The following RXRA variants were observed in gnomAD, a reference collection of about 807,000 sequenced individuals.
The protein encoded by RXRA is retinoid X receptor alpha.
RXRA carries 5 observed loss-of-function variants against 44.5 expected under a neutral mutation model. That is an observed-to-expected ratio of 0.11 (90% CI 0.06 to 0.24). The LOEUF is 0.24. RXRA is among the 10% of genes least tolerant of loss of function. RXRA has a pLI of 1.00. For synonymous variants in RXRA, 291 were observed against 271.4 expected (o/e 1.07, Z -0.71); for missense variants, 412 against 646.5 (o/e 0.64, Z 3.93).
chr9:134,423,508 C>T lies in RXRA; in HGVS notation c.910+1703C>T, dbSNP rs1454419315. On this transcript the variant is annotated intron_variant, in intron 6 of 9. Transcript: ENST00000481739. The stretch of plus-strand genomic sequence containing the variant: ...TGGGTCAGGGCTGTGACCACACAGG[C>T]TGTGTGTATAGGGCCTGGCGCCGTC... 5.1e-6 allele frequency: 5 copies of T among 985,348 alleles called. No homozygotes were observed. The East Asian group carries it at 3.4e-4, about 67-fold the overall frequency. The allele number at this position is 985,348 out of a possible 1,614,324, so 61.0% of individuals were successfully genotyped here. A position where few individuals can be genotyped will look rare whatever the true frequency, so the allele number is the denominator to read the frequency against.
At chr9:134,334,087 C>T (rs1373777329) in intron 1 of RXRA, among the ~76,000 whole-genome samples, 6 of 152,268 alleles carry the variant, frequency 3.9e-5, no homozygotes, top group Admixed American at 6.5e-5. Flanking sequence ...AGTTTCCTCC[C>T]GCCTGAGGGC....
At chr9:134,423,566 C>G in intron 6 of RXRA, 1 of 985,292 alleles carries the variant, frequency 1.0e-6, no homozygotes. Context: ...TCTGGCCATA[C>G]TGGGCCCCGC....
chr9:134,363,425 G>A (rs1270324611), intron 1 of RXRA, among the ~76,000 whole-genome samples: 3 of 152,246 alleles, frequency 2.0e-5, no homozygotes, highest in African/African-American at 7.2e-5. Context: ...ATACCTCTCT[G>A]GTTTCTCATC....
chr9:134,348,827 C>T lies in RXRA; in HGVS notation c.28+22168C>T, dbSNP rs200509755. On this transcript the variant is annotated intron_variant, in intron 1 of 9. Transcript: ENST00000481739. ...CGCTGGACGTCGAGGTGGGTGAAAC[C>T]GGGCCTGGGGTTGCAGTCCCTGAGG... 7.9e-5 allele frequency among the ~76,000 whole-genome samples: 12 copies of T among 152,208 alleles called. No homozygotes were observed. The East Asian group carries it at 1.4e-3, about 17-fold the overall frequency.
rs118145952 is a variant in RXRA at position 134,385,954 on chromosome 9, G to A, written c.29-15678G>A. 1.1e-3 allele frequency among the ~76,000 whole-genome samples: 164 copies of A among 152,374 alleles called. 2 individuals are homozygous for A. In the East Asian group the frequency reaches 0.019, roughly 18 times the overall value. On this transcript the variant is annotated intron_variant, in intron 1 of 9. Transcript: ENST00000481739. ...GCAGACCATCTGCGGCACCAGCTGC[G>A]GGTGTGACGGTCGTGTCTCGGATTG...
At chr9:134,360,861 G>A (rs1830342344) in intron 1 of RXRA, among the ~76,000 whole-genome samples, 1 of 152,220 alleles carries the variant, frequency 6.6e-6, no homozygotes, top group Non-Finnish European at 1.5e-5. Flanking sequence ...AAGCCTGCTG[G>A]GGGGATGCTA....
chr9:134,373,030 C>T (rs1385860725), intron 1 of RXRA, among the ~76,000 whole-genome samples: 2 of 152,190 alleles, frequency 1.3e-5, no homozygotes, highest in African/African-American at 4.8e-5. Context: ...TGGGCTGTGG[C>T]GTCTGCCCCG....
intron 1 of RXRA, among the ~76,000 whole-genome samples, chr9:134,390,457 G>A (rs1830783507): frequency 6.6e-6 from 1 of 152,218 alleles, no homozygotes; most frequent in Admixed American, 6.5e-5. Flanking sequence ...CAGCAGGCAC[G>A]GCAGCCAGGA....
chr9:134,406,545 G>A (rs1761434393), intron 2 of RXRA, among the ~76,000 whole-genome samples: 1 of 152,170 alleles, frequency 6.6e-6, no homozygotes, highest in South Asian at 2.1e-4. Flanking sequence ...CCAGGGATCC[G>A]CCTCTGGGGC....
intron 9 of RXRA, among the ~76,000 whole-genome samples, chr9:134,435,246 C>T (rs781222863): frequency 2.0e-5 from 3 of 152,328 alleles, no homozygotes; most frequent in East Asian, 1.9e-4. Flanking sequence ...AGACTCAGGC[C>T]GTGCACAGGG....
intron 1 of RXRA, among the ~76,000 whole-genome samples, chr9:134,351,831 C>T (rs182897268): frequency 8.5e-5 from 13 of 152,276 alleles, no homozygotes; most frequent in Non-Finnish European, 1.6e-4. Flanking sequence ...TGCGGGGCCT[C>T]GGAGAGATTT....
At chr9:134,409,602 G>A (rs1010113284) in intron 4 of RXRA, among the ~76,000 whole-genome samples, 10 of 152,216 alleles carry the variant, frequency 6.6e-5, no homozygotes, top group Non-Finnish European at 5.9e-5. Context: ...TCCCTCCCCC[G>A]ATGTCACCAA....
intron 1 of RXRA, 61 bp from the exon 2 acceptor site, chr9:134,401,571 C>T: frequency 6.2e-7 from 1 of 1,603,572 alleles, no homozygotes; most frequent in Non-Finnish European, 8.5e-7. Context: ...GGGGAGCAGG[C>T]ATTTGGTGGG....
intron 1 of RXRA, among the ~76,000 whole-genome samples, chr9:134,345,541 C>T (rs1308066888): frequency 1.3e-5 from 2 of 152,142 alleles, no homozygotes; most frequent in Admixed American, 1.3e-4. Flanking sequence ...GGGGCTCTGG[C>T]GGGAGCCGAC....
intron 1 of RXRA, among the ~76,000 whole-genome samples, chr9:134,328,072 G>C (rs1834944539): frequency 6.6e-6 from 1 of 152,194 alleles, no homozygotes; most frequent in African/African-American, 2.4e-5. Context: ...TGAGGCAGGA[G>C]GGAATGCTGC....
intron 6 of RXRA, chr9:134,422,022 C>G (rs1294920265): frequency 2.8e-6 from 4 of 1,450,710 alleles, no homozygotes; most frequent in Middle Eastern, 1.8e-4. Context: ...ACACACTCCC[C>G]CCTCCCTGGA....
chr9:134,379,828 G>C, intron 1 of RXRA: 1 of 985,388 alleles, frequency 1.0e-6, no homozygotes, highest in Non-Finnish European at 1.2e-6. Context: ...CAACCCTGGG[G>C]CCTTGTGTGG....
rs146378443 is a variant in RXRA at position 134,345,529 on chromosome 9, C to T, written c.28+18870C>T. On this transcript the variant is annotated intron_variant, in intron 1 of 9. Transcript: ENST00000481739. ...GTAGAGACCAAGGCCACAGGCAGGA[C>T]GGGGGCTCTGGCGGGAGCCGACATC... Among the ~76,000 whole-genome samples, 1,305 of 152,296 alleles carry T rather than the reference C, an allele frequency of 8.6e-3. 13 individuals carry two copies. The highest frequency in any genetic ancestry group is 0.02 in the South Asian group (97 of 4,822).
At chr9:134,425,993 C>G in intron 6 of RXRA, 1 of 985,350 alleles carries the variant, frequency 1.0e-6, no homozygotes, top group Non-Finnish European at 1.2e-6. Context: ...TGACTCTGTG[C>G]TGTTCCTTCC....
Sources: allele counts gnomAD v4.1 joint callset (sites outside exome capture counted in the v4.1 genomes callset), GRCh38; gene constraint gnomAD v4.1.1; transcripts MANE v1.5; gene names NCBI Gene and HGNC (gene_info 2026-07-23, HGNC 2026-07-21).